The following EPB41L4B variants were observed in gnomAD, a reference collection of about 807,000 sequenced individuals.
The protein encoded by EPB41L4B is erythrocyte membrane protein band 4.1 like 4B, also known as band 4.1-like protein 4B.
A neutral mutation model predicts 112.5 loss-of-function variants in EPB41L4B; 30 were observed. The observed-to-expected ratio is 0.27, with a 90% CI of 0.20 to 0.36. The LOEUF is 0.36. Among genes scored for constraint, EPB41L4B ranks in the 10% least tolerant of loss-of-function variants. The probability of loss-of-function intolerance (pLI) is 1.00; values close to 1 mark genes in which losing one functional copy is unlikely to be tolerated. For missense variants in EPB41L4B, 1,024 were observed against 1,133.3 expected (o/e 0.90, Z 1.38); for synonymous variants, 408 against 439.7 (o/e 0.93, Z 0.90).
chr9:109,249,105 A>G (rs1016848067), intron 13 of EPB41L4B, among the ~76,000 whole-genome samples: 40 of 150,848 alleles, frequency 2.7e-4, no homozygotes, highest in African/African-American at 9.7e-4. Context: ...ATATATGGAC[A>G]GAGCAGGCAA....
intron 1 of EPB41L4B, among the ~76,000 whole-genome samples, chr9:109,301,769 C>T (rs1290042311): frequency 1.3e-5 from 2 of 152,084 alleles, no homozygotes; most frequent in African/African-American, 4.8e-5. Flanking sequence ...TAAATATTTC[C>T]GATAAAAATA....
chr9:109,307,167 A>G (rs1173689137), intron 1 of EPB41L4B: 2 of 438,192 alleles, frequency 4.6e-6, no homozygotes, highest in South Asian at 3.4e-5. Context: ...GACATGTTAC[A>G]GTAATTCTAT....
intron 24 of EPB41L4B, among the ~76,000 whole-genome samples, chr9:109,182,161 A>C (rs1003768437): frequency 6.6e-6 from 1 of 152,256 alleles, no homozygotes; most frequent in Non-Finnish European, 1.5e-5. Flanking sequence ...GTGAGCCGAG[A>C]TCGTGCCACT....
chr9:109,218,557 C>T (rs888638800), intron 15 of EPB41L4B, among the ~76,000 whole-genome samples: 3 of 152,266 alleles, frequency 2.0e-5, no homozygotes, highest in South Asian at 2.1e-4. Context: ...TCTCCATGGA[C>T]CCAGGTGAAG....
chr9:109,198,377 C>T (rs866357485), intron 20 of EPB41L4B, among the ~76,000 whole-genome samples: 2 of 152,120 alleles, frequency 1.3e-5, no homozygotes, highest in Non-Finnish European at 2.9e-5. Flanking sequence ...CATGTTAAGC[C>T]CCACAAAACT....
chr9:109,244,286 T>C (rs1226920596), intron 14 of EPB41L4B, among the ~76,000 whole-genome samples: 2 of 148,222 alleles, frequency 1.3e-5, no homozygotes, highest in Non-Finnish European at 3.0e-5. Context: ...CTTATCATCC[T>C]GATAAAACAG....
Position 109,203,652 on chromosome 9 carries a change from G to A in EPB41L4B, c.1946+11C>T, listed in dbSNP as rs1588133703. On this transcript the variant is annotated intron_variant, in intron 19 of 25. Coordinates refer to ENST00000374566, the MANE Select transcript of EPB41L4B (RefSeq NM_019114.5). ...AATATCATTTCCCCATTCAGACAAG[G>A]AGCAACAGACCTTACACTAGCGTCC... 3 of 1,603,890 alleles carry A rather than the reference G, an allele frequency of 1.9e-6. No homozygotes were observed. Among genetic ancestry groups the A allele is most frequent in the Non-Finnish European group, 2.6e-6 (3 of 1,170,958 alleles).
intron 1 of EPB41L4B, among the ~76,000 whole-genome samples, chr9:109,305,539 AC>A (rs1183076967): frequency 3.9e-5 from 6 of 152,012 alleles, no homozygotes. Flanking sequence ...AATCACTTGA[AC>A]CCAGGAGGAG....
intron 15 of EPB41L4B, among the ~76,000 whole-genome samples, chr9:109,236,341 T>C (rs935411015): frequency 6.6e-6 from 1 of 151,866 alleles, no homozygotes; most frequent in South Asian, 2.1e-4. Context: ...CCTAAGGAAG[T>C]GCATAGCTTT....
intron 24 of EPB41L4B, 55 bp from the exon 25 acceptor site, chr9:109,176,751 A>G: frequency 6.3e-7 from 1 of 1,597,962 alleles, no homozygotes; most frequent in Non-Finnish European, 8.6e-7. Context: ...CCATTTTCAC[A>G]CTGTCAGTTG....
rs1322770365 is a variant in EPB41L4B at position 109,256,380 on chromosome 9, A to T, written c.840+13T>A. On this transcript the variant is annotated intron_variant, in intron 8 of 25. Transcript: ENST00000374566. ...CAGCAAAACCAAATTACTTAAACGC[A>T]CACAGTTCTTACCCTGACAACGTGC... is the stretch of plus-strand genomic sequence containing the variant. The T allele has an allele frequency of 6.2e-7, 1 of 1,612,994 alleles. No homozygotes were observed. The highest frequency in any genetic ancestry group is 8.5e-7 in the Non-Finnish European group (1 of 1,179,460).
intron 1 of EPB41L4B, among the ~76,000 whole-genome samples, chr9:109,285,717 C>T (rs1240953109): frequency 2.0e-5 from 3 of 152,138 alleles, no homozygotes; most frequent in African/African-American, 4.8e-5. Flanking sequence ...CCTGCAGTGT[C>T]CCCTCTCAAA....
chr9:109,181,017 T>A (rs1250759852), intron 24 of EPB41L4B, among the ~76,000 whole-genome samples: 1 of 152,158 alleles, frequency 6.6e-6, no homozygotes, highest in Non-Finnish European at 1.5e-5. Context: ...TTGGCAGAAT[T>A]TTTTAAAAAA....
intron 17 of EPB41L4B, 89 bp downstream of exon 17, chr9:109,213,611 C>T: frequency 9.4e-7 from 1 of 1,063,782 alleles, no homozygotes; most frequent in Non-Finnish European, 1.4e-6. Flanking sequence ...GGCAAAGGCA[C>T]TTGGTTTAGC....
At chr9:109,243,565 T>C in intron 15 of EPB41L4B, 53 bp downstream of exon 15, 1 of 1,573,294 alleles carries the variant, frequency 6.4e-7, no homozygotes, top group Non-Finnish European at 8.7e-7. Flanking sequence ...TCTGAACTTT[T>C]CTAGAGAAAG....
In EPB41L4B at chr9:109,217,638, C is replaced by G. The variant is rs113665077; in HGVS notation, c.1410-493G>C. 2.6e-5 allele frequency among the ~76,000 whole-genome samples: 4 copies of G among 152,216 alleles called. No individual in the cohort carries two copies. The South Asian group carries it at 8.3e-4, about 31-fold the overall frequency. ...CCAGGCTGGAGTGCAGTGGTGCAAA[C>G]ACAGCTCACTGTGGCCTCAAGCTCC... On this transcript the variant is annotated intron_variant, in intron 15 of 25. Coordinates refer to ENST00000374566, the MANE Select transcript of EPB41L4B (RefSeq NM_019114.5).
At chr9:109,276,000 A>C (rs1311873919) in intron 2 of EPB41L4B, among the ~76,000 whole-genome samples, 1 of 150,960 alleles carries the variant, frequency 6.6e-6, no homozygotes, top group Non-Finnish European at 1.5e-5. Flanking sequence ...TAAGAGGAGG[A>C]GGTCCTAAGT....
At chr9:109,265,333 C>A (rs542417655) in intron 4 of EPB41L4B, among the ~76,000 whole-genome samples, 1 of 152,226 alleles carries the variant, frequency 6.6e-6, no homozygotes, top group African/African-American at 2.4e-5. Flanking sequence ...GAGAGCCGAA[C>A]GTGGCACATG....
chr9:109,274,551 C>G (rs1564311831), intron 2 of EPB41L4B, among the ~76,000 whole-genome samples: 1 of 152,194 alleles, frequency 6.6e-6, no homozygotes, highest in Non-Finnish European at 1.5e-5. Flanking sequence ...CAGGCAGGGA[C>G]AACATCCAGC....
Sources: gnomAD v4.1 joint callset for allele counts (sites outside exome capture counted in the v4.1 genomes callset) on GRCh38, gnomAD v4.1.1 for gene constraint, MANE v1.5 for transcripts, NCBI Gene and HGNC (gene_info 2026-07-23, HGNC 2026-07-21) for gene names.